Variants in PLEKHM3 observed in about 807,000 individuals in gnomAD.
PLEKHM3 encodes pleckstrin homology domain containing M3.
PLEKHM3 carries 45 observed loss-of-function variants against 81.8 expected under a neutral mutation model. The ratio of observed to expected loss-of-function variants is 0.55; its 90% CI spans 0.43 to 0.71. The LOEUF (loss-of-function observed/expected upper bound fraction) is 0.71, where lower values mean the gene tolerates loss of function less well. PLEKHM3 is among the 30% of genes least tolerant of loss of function. PLEKHM3 has a pLI of 0.00. For missense variants in PLEKHM3, 788 were observed against 924.3 expected (o/e 0.85, Z 1.91); for synonymous variants, 352 against 356.4 (o/e 0.99, Z 0.14).
intron 1 of PLEKHM3, among the ~76,000 whole-genome samples, chr2:208,004,087 T>G (rs547496846): frequency 4.6e-5 from 7 of 152,310 alleles, no homozygotes; most frequent in African/African-American, 1.7e-4. Flanking sequence ...GATATATTAT[T>G]TTTTATGCTT....
At position 207,970,536 on chromosome 2, in the gene PLEKHM3, T is replaced by A. The variant is rs535995378; in HGVS notation, c.1546+6115A>T. 2.1e-4 allele frequency among the ~76,000 whole-genome samples: 32 copies of A among 152,262 alleles called. No individual in the cohort carries two copies. In the South Asian group the frequency reaches 6.2e-3, roughly 30 times the overall value. ...CAAGGGAATTTATAACAAAAAAAAC[T>A]TCATTTTTCATTGGTCATTACTTTT... On this transcript the variant is annotated intron_variant, in intron 3 of 7. Coordinates refer to ENST00000427836, the MANE Select transcript of PLEKHM3 (RefSeq NM_001080475.3).
At chr2:207,888,651 CCCAAAGTGCTG>C (rs1422734020) in intron 6 of PLEKHM3, among the ~76,000 whole-genome samples, 1 of 152,218 alleles carries the variant, frequency 6.6e-6, no homozygotes, top group African/African-American at 2.4e-5. Flanking sequence ...ACCTCGGCCT[CCCAAAGTGCTG>C]GGATTACAGG....
chr2:207,881,336 T>C (rs548300288), intron 6 of PLEKHM3, among the ~76,000 whole-genome samples: 3 of 152,342 alleles, frequency 2.0e-5, no homozygotes, highest in Admixed American at 1.3e-4. Flanking sequence ...ATAAGCTGGA[T>C]GTGTAACATT....
chr2:207,942,587 G>A (rs1211016190), intron 4 of PLEKHM3, among the ~76,000 whole-genome samples: 1 of 152,102 alleles, frequency 6.6e-6, no homozygotes, highest in African/African-American at 2.4e-5. Context: ...GCAGCAACAT[G>A]GATAGAACTG....
intron 6 of PLEKHM3, among the ~76,000 whole-genome samples, chr2:207,880,619 C>T (rs1308019364): frequency 5.4e-5 from 8 of 147,016 alleles, no homozygotes; most frequent in South Asian, 2.2e-4. Context: ...AAAAATTAGC[C>T]GGGCGTGTTG....
chr2:207,961,030 A>T (rs1690712061), intron 3 of PLEKHM3, among the ~76,000 whole-genome samples: 1 of 152,240 alleles, frequency 6.6e-6, no homozygotes, highest in African/African-American at 2.4e-5. Context: ...TTCCCTCAAA[A>T]TAGTGTTGAA....
chr2:207,952,544 G>C (rs1690364184), intron 3 of PLEKHM3, among the ~76,000 whole-genome samples: 1 of 152,150 alleles, frequency 6.6e-6, no homozygotes, highest in African/African-American at 2.4e-5. Flanking sequence ...GTGAAATTTT[G>C]AACCTGTACT....
At chr2:207,845,558 C>G (rs1184213606) in intron 7 of PLEKHM3, among the ~76,000 whole-genome samples, 2 of 152,170 alleles carry the variant, frequency 1.3e-5, no homozygotes, top group African/African-American at 4.8e-5. Context: ...ACATTAAAGT[C>G]TCCACTGACC....
intron 4 of PLEKHM3, among the ~76,000 whole-genome samples, chr2:207,932,535 T>C: frequency 6.6e-6 from 1 of 152,204 alleles, no homozygotes; most frequent in African/African-American, 2.4e-5. Context: ...ATGTTTCATA[T>C]GGTAGGCTAG....
rs190428969 is a variant in PLEKHM3, at chr2:207,877,997, G to A, written c.1951-16735C>T. Among the ~76,000 whole-genome samples the A allele has an allele frequency of 9.9e-4, 150 of 152,212 alleles. 2 individuals are homozygous for A. The highest frequency in any genetic ancestry group is 2.1e-4 in the South Asian group (1 of 4,820). On this transcript the variant is annotated intron_variant, in intron 6 of 7. Transcript: ENST00000427836. ...GTCATCCAGGCTGGAGTGCAGTGGC[G>A]TAATCTTGTCTTACCGCAACCATCT...
intron 3 of PLEKHM3, among the ~76,000 whole-genome samples, chr2:207,970,642 C>A (rs1691087646): frequency 6.6e-6 from 1 of 152,180 alleles, no homozygotes; most frequent in Non-Finnish European, 1.5e-5. Context: ...CCCACTCAGA[C>A]CCTGCCACTT....
intron 1 of PLEKHM3, among the ~76,000 whole-genome samples, chr2:208,022,243 T>C (rs929221802): frequency 1.3e-5 from 2 of 152,266 alleles, no homozygotes; most frequent in African/African-American, 4.8e-5. Context: ...GAAAAAATGA[T>C]ACTTTGCTAT....
intron 6 of PLEKHM3, among the ~76,000 whole-genome samples, chr2:207,885,629 T>A (rs1441556464): frequency 6.6e-6 from 1 of 152,258 alleles, no homozygotes; most frequent in Admixed American, 6.5e-5. Context: ...AATGACTGTT[T>A]AGGTTTTTCT....
chr2:208,004,984 C>A (rs978617256), intron 1 of PLEKHM3, among the ~76,000 whole-genome samples: 1 of 152,042 alleles, frequency 6.6e-6, no homozygotes, highest in Non-Finnish European at 1.5e-5. Flanking sequence ...CGCCACCACG[C>A]CTGGCTAATT....
chr2:207,845,673 C>A (rs1027867096), intron 7 of PLEKHM3, among the ~76,000 whole-genome samples: 1 of 152,156 alleles, frequency 6.6e-6, no homozygotes, highest in Non-Finnish European at 1.5e-5. Context: ...TTCCTGAAAT[C>A]ACTTTAAAAG....
intron 1 of PLEKHM3, among the ~76,000 whole-genome samples, chr2:208,022,504 G>C (rs1461164216): frequency 6.6e-6 from 1 of 152,150 alleles, no homozygotes; most frequent in Non-Finnish European, 1.5e-5. Context: ...TGGGATTGTT[G>C]ACAGAATCTA....
rs550202965 is a variant in PLEKHM3 at position 207,841,313 on chromosome 2, A to G, written c.2109-12817T>C. Reference sequence around the variant, plus strand: ...AACCCCATCTCTACTAAAAATACAAAAATCAGCCGGGCTTGGTGATGTTCA... The same window carrying G: ...AACCCCATCTCTACTAAAAATACAAGAATCAGCCGGGCTTGGTGATGTTCA... On this transcript the variant is annotated intron_variant, in intron 7 of 7. Coordinates refer to ENST00000427836, the MANE Select transcript of PLEKHM3 (RefSeq NM_001080475.3). 2.0e-5 allele frequency among the ~76,000 whole-genome samples: 3 copies of G among 151,276 alleles called. No homozygotes were observed. The South Asian group carries it at 6.3e-4, about 32-fold the overall frequency.
At chr2:207,950,753 C>A (rs1486805912) in intron 3 of PLEKHM3, among the ~76,000 whole-genome samples, 2 of 152,112 alleles carry the variant, frequency 1.3e-5, no homozygotes, top group Admixed American at 1.3e-4. Context: ...ACACAGTTTA[C>A]CCTCTAGGCT....
At chr2:208,024,497 A>G (rs1299778467) in intron 1 of PLEKHM3, among the ~76,000 whole-genome samples, 1 of 152,204 alleles carries the variant, frequency 6.6e-6, no homozygotes, top group Admixed American at 6.5e-5. Flanking sequence ...ATGTCTACTG[A>G]TATTTTTAGA....
Sources: gnomAD v4.1 joint callset for allele counts (sites outside exome capture counted in the v4.1 genomes callset) on GRCh38, gnomAD v4.1.1 for gene constraint, MANE v1.5 for transcripts, NCBI Gene and HGNC (gene_info 2026-07-23, HGNC 2026-07-21) for gene names.